The following OPA1 variants were observed in gnomAD, a reference collection of about 807,000 sequenced individuals.
OPA1 encodes OPA1 mitochondrial dynamin like GTPase.
In OPA1, 59 loss-of-function variants were observed where a neutral mutation model predicts 152.9. That is an observed-to-expected ratio of 0.39 (90% CI 0.31 to 0.48). The LOEUF (loss-of-function observed/expected upper bound fraction) is 0.48. Ranked by LOEUF, OPA1 falls within the 20% of genes least tolerant of loss-of-function variation. The pLI, the probability that OPA1 is intolerant of heterozygous loss-of-function variation, is 0.96. For missense variants in OPA1, 1,008 were observed against 1,216.8 expected, an observed-to-expected ratio of 0.83 and a Z score of 2.55; for synonymous variants, 400 against 389.9, an observed-to-expected ratio of 1.03 and a Z score of -0.31.
At chr3:193,615,402 T>C (rs573425882) in intron 2 of OPA1, among the ~76,000 whole-genome samples, 28 of 152,334 alleles carry the variant, frequency 1.8e-4, no homozygotes, top group African/African-American at 5.8e-4. Flanking sequence ...CCAGTCTGTC[T>C]TCCTTCTACC....
In OPA1 at chr3:193,676,763, A is replaced by G. The variant is rs145087727; in HGVS notation, c.2983+9483A>G. Among the ~76,000 whole-genome samples, 877 of 152,156 alleles carry G rather than the reference A, an allele frequency of 5.8e-3. 4 individuals are homozygous for G. Among genetic ancestry groups the G allele is most frequent in the Middle Eastern group, 0.027 (8 of 294 alleles). ...TAGGAGGCCAAGGTGGGCGGATCAC[A>G]AGGTCAGGAGATCCAGACCATCCTG... is the stretch of plus-strand genomic sequence containing the variant. On this transcript the variant is annotated intron_variant, in intron 29 of 30. Transcript: ENST00000361510.
Position 193,615,013 on chromosome 3 carries a change from C to T in OPA1, c.323C>T (p.Ala108Val), listed in dbSNP as rs2108865778. The T allele has an allele frequency of 1.9e-6, 3 of 1,614,166 alleles. No individual in the cohort carries two copies. The highest frequency in any genetic ancestry group is 2.5e-6 in the Non-Finnish European group (3 of 1,180,006). ...CTTCGCTATCTCATACTAGGATCGG[C>T]TGTTGGGGGTGGCTACACAGCCAAA... ...LKLRYLILGS[A>V]VGGGYTAKKT... The change falls in exon 2 of 31, where the codon GCT becomes GTT. Residue 108 changes from alanine to valine, a missense_variant. Ala to Val is a moderately conservative substitution (Grantham distance 64, BLOSUM62 0). Around this residue, in one of 7 missense-constraint regions of OPA1, gnomAD observed 408 missense variants for 395.1 expected, o/e 1.03. Coordinates refer to ENST00000361510, the MANE Select transcript of OPA1 (RefSeq NM_130837.3).
At chr3:193,617,662 C>A in intron 4 of OPA1, 122 bp from the exon 5 acceptor site, 2 of 763,464 alleles carry the variant, frequency 2.6e-6, no homozygotes, top group Non-Finnish European at 2.3e-6. Context: ...TAAGTTTAAT[C>A]CTGGCATATT....
At position 193,668,493 on chromosome 3, in the gene OPA1, C is replaced by G. The variant is rs200824581; in HGVS notation, c.2983+1213C>G. 554 of 1,550,574 alleles carry G rather than the reference C, an allele frequency of 3.6e-4. 3 individuals are homozygous for G. Among genetic ancestry groups the G allele is most frequent in the Admixed American group, 1.1e-3 (56 of 50,988 alleles). ...CTGACGCTTTGTGCCAGGTGCCTCTCCATCTCATCCTTCCCACCCGCTAGC... is the reference window on the plus strand; with the variant it reads ...CTGACGCTTTGTGCCAGGTGCCTCTGCATCTCATCCTTCCCACCCGCTAGC... On this transcript the variant is annotated intron_variant, in intron 29 of 30. Coordinates refer to ENST00000361510, the MANE Select transcript of OPA1 (RefSeq NM_130837.3).
At chr3:193,600,693 C>G (rs781354444) in intron 1 of OPA1, among the ~76,000 whole-genome samples, 7 of 152,190 alleles carry the variant, frequency 4.6e-5, no homozygotes, top group Non-Finnish European at 7.3e-5. Context: ...TAAAGAGGTG[C>G]TCGTTTTCAT....
intron 7 of OPA1, among the ~76,000 whole-genome samples, chr3:193,627,662 T>G (rs1731379168): frequency 6.6e-6 from 1 of 152,198 alleles, no homozygotes; most frequent in Non-Finnish European, 1.5e-5. Context: ...AAGATATGAC[T>G]TAAGGTTAAT....
chr3:193,614,716 CT>C lies in OPA1; in HGVS notation c.33-4del. On this transcript the variant is annotated splice_polypyrimidine_tract_variant and splice_region_variant and intron_variant, in intron 1 of 30. Coordinates refer to ENST00000361510, the MANE Select transcript of OPA1 (RefSeq NM_130837.3). ...TGATCTTTCTTCCATATTCATTTTT[CT>C]TTCAGTGAGGTCTGCCAGTCTTTAG... 6.2e-7 allele frequency: 1 copy of C among 1,606,964 alleles called. No individual in the cohort carries two copies. The highest frequency in any genetic ancestry group is 8.5e-7 in the Non-Finnish European group (1 of 1,173,630).
At chr3:193,683,763 A>C (rs1720527359) in intron 29 of OPA1, among the ~76,000 whole-genome samples, 1 of 152,240 alleles carries the variant, frequency 6.6e-6, no homozygotes, top group Admixed American at 6.5e-5. Flanking sequence ...TAAATAAGTT[A>C]TGTACATTGT....
intron 3 of OPA1, 36 bp downstream of exon 3, chr3:193,615,806 C>A: frequency 2.6e-6 from 3 of 1,165,714 alleles, no homozygotes; most frequent in South Asian, 2.4e-5. Flanking sequence ...TTTTTTTGGT[C>A]ATCTCGAGGA....
chr3:193,610,698 C>G (rs1184234154), intron 1 of OPA1, among the ~76,000 whole-genome samples: 1 of 152,220 alleles, frequency 6.6e-6, no homozygotes, highest in Non-Finnish European at 1.5e-5. Context: ...TTCGAGCTTC[C>G]CAGCTGCTTT....
chr3:193,651,554 ATG>A (rs1432708401), intron 21 of OPA1, among the ~76,000 whole-genome samples: 1 of 152,234 alleles, frequency 6.6e-6, no homozygotes, highest in Non-Finnish European at 1.5e-5. Flanking sequence ...TTTTAAATAA[ATG>A]TGAAGAAATG....
At chr3:193,601,758 G>A (rs1278566999) in intron 1 of OPA1, among the ~76,000 whole-genome samples, 1 of 152,190 alleles carries the variant, frequency 6.6e-6, no homozygotes, top group Non-Finnish European at 1.5e-5. Flanking sequence ...TGGTGTGATC[G>A]ACTTTATCAG....
intron 1 of OPA1, among the ~76,000 whole-genome samples, chr3:193,604,416 A>G (rs1262472112): frequency 2.0e-5 from 3 of 152,228 alleles, no homozygotes; most frequent in Non-Finnish European, 4.4e-5. Context: ...TTTGGAACCC[A>G]GGATCTGCAA....
intron 29 of OPA1, among the ~76,000 whole-genome samples, chr3:193,675,863 T>C (rs1373520934): frequency 6.6e-6 from 1 of 152,246 alleles, no homozygotes; most frequent in African/African-American, 2.4e-5. Context: ...ATACAGACTG[T>C]TCATTAGCCC....
intron 22 of OPA1, among the ~76,000 whole-genome samples, chr3:193,655,527 A>G (rs1423178701): frequency 2.0e-5 from 3 of 152,136 alleles, no homozygotes; most frequent in South Asian, 2.1e-4. Flanking sequence ...TAAAGAATCT[A>G]TTTCTGCTAC....
intron 29 of OPA1, chr3:193,691,603 A>G: frequency 6.5e-6 from 1 of 153,462 alleles, no homozygotes; most frequent in Non-Finnish European, 1.4e-5. Context: ...TTCCTTTGTA[A>G]CTCTTACTAC....
At chr3:193,628,180 T>C (rs1731472307) in intron 7 of OPA1, among the ~76,000 whole-genome samples, 1 of 152,056 alleles carries the variant, frequency 6.6e-6, no homozygotes, top group African/African-American at 2.4e-5. Context: ...GCAAGTACTT[T>C]TTGTTGTTTT....
chr3:193,692,300 T>G (rs935988454), intron 30 of OPA1, among the ~76,000 whole-genome samples, 168 bp downstream of exon 30: 1 of 152,240 alleles, frequency 6.6e-6, no homozygotes, highest in African/African-American at 2.4e-5. Context: ...ATAACGTTGC[T>G]TTGAATAACT....
Position 193,617,131 on chromosome 3 carries a change from G to A in OPA1, c.449-47G>A, listed in dbSNP as rs1216698699. On this transcript the variant is annotated intron_variant, in intron 3 of 30. Coordinates refer to ENST00000361510, the MANE Select transcript of OPA1 (RefSeq NM_130837.3). The stretch of plus-strand genomic sequence containing the variant: ...TTAGCCCTTTATAAGAATAGTATCT[G>A]ACATATTTTCTTAGTTTCATACTCT... 4.4e-6 allele frequency: 5 copies of A among 1,123,764 alleles called. No homozygotes were observed. The African/African-American group carries it at 7.7e-5, about 17-fold the overall frequency. The allele number at this position is 1,123,764 out of a possible 1,614,324, so 69.6% of individuals were successfully genotyped here.
Sources: allele counts gnomAD v4.1 joint callset (sites outside exome capture counted in the v4.1 genomes callset), GRCh38; gene constraint gnomAD v4.1.1; regional missense constraint gnomAD v4.1.1; transcripts MANE v1.5; gene names NCBI Gene and HGNC (gene_info 2026-07-23, HGNC 2026-07-21).